NRXN1: variants seen among roughly 807,000 people sequenced by gnomAD.
NRXN1 encodes the protein neurexin 1, also known as neurexin-1.
Under a neutral mutation model 150.9 loss-of-function variants are expected in NRXN1, and 39 were observed. The ratio of observed to expected loss-of-function variants is 0.26; its 90% confidence interval spans 0.20 to 0.34. NRXN1 has a LOEUF of 0.34. Among genes scored for constraint, NRXN1 ranks in the 10% least tolerant of loss-of-function variants. NRXN1 has a pLI of 1.00. For missense variants in NRXN1, 1,815 were observed against 1,949.9 expected (o/e 0.93, Z 1.30); for synonymous variants, 924 against 757.0 (o/e 1.22, Z -3.62).
chr2:50,596,410 G>A (rs952867929), intron 8 of NRXN1, among the ~76,000 whole-genome samples: 1 of 152,084 alleles, frequency 6.6e-6, no homozygotes, highest in Admixed American at 6.6e-5. Context: ...GTTCTTTGTT[G>A]ATGTACACCA....
intron 18 of NRXN1, among the ~76,000 whole-genome samples, chr2:50,150,495 G>A (rs946776752): frequency 1.3e-5 from 2 of 151,718 alleles, no homozygotes; most frequent in African/African-American, 4.8e-5. Flanking sequence ...TAGTTTCAGT[G>A]TTCTCCTAAA....
intron 8 of NRXN1, among the ~76,000 whole-genome samples, chr2:50,596,003 A>C (rs1675140066): frequency 6.6e-6 from 1 of 152,284 alleles, no homozygotes; most frequent in African/African-American, 2.4e-5. Flanking sequence ...AAGAACACTA[A>C]CTTTGCATAA....
At chr2:50,277,438 TCC>T (rs1464204061) in intron 17 of NRXN1, among the ~76,000 whole-genome samples, 8 of 127,308 alleles carry the variant, frequency 6.3e-5, no homozygotes, top group African/African-American at 8.5e-5. Flanking sequence ...CCTCCCTTCC[TCC>T]TTCCCTCTCT....
intron 17 of NRXN1, among the ~76,000 whole-genome samples, chr2:50,421,297 G>A (rs1420813563): frequency 1.3e-5 from 2 of 150,622 alleles, no homozygotes; most frequent in African/African-American, 2.5e-5. Context: ...GTATGCATCG[G>A]TAAGGATATA....
chr2:49,932,353 T>C (rs1398299704), intron 22 of NRXN1, among the ~76,000 whole-genome samples: 1 of 152,102 alleles, frequency 6.6e-6, no homozygotes, highest in Non-Finnish European at 1.5e-5. Flanking sequence ...CCCAGCAGTT[T>C]GGGGGTGCAG....
chr2:50,376,022 C>G (rs959014282), intron 17 of NRXN1, among the ~76,000 whole-genome samples: 2 of 144,894 alleles, frequency 1.4e-5, no homozygotes, highest in African/African-American at 5.2e-5. Context: ...ATTTAGAACT[C>G]CTGCACATAA....
At chr2:50,238,727 T>G (rs2065707935) in intron 17 of NRXN1, among the ~76,000 whole-genome samples, 2 of 152,018 alleles carry the variant, frequency 1.3e-5, no homozygotes, top group African/African-American at 4.8e-5. Context: ...TCTTCTTTGT[T>G]TTCTGTTACA....
chr2:50,109,783 T>C (rs990401611), intron 18 of NRXN1, among the ~76,000 whole-genome samples: 2 of 152,176 alleles, frequency 1.3e-5, no homozygotes, highest in Non-Finnish European at 1.5e-5. Flanking sequence ...ATTTAGATAG[T>C]ATAAATGTAT....
chr2:50,551,050 G>GGAAGAA (rs1204760729), intron 9 of NRXN1, among the ~76,000 whole-genome samples: 63 of 79,008 alleles, frequency 8.0e-4, no homozygotes, highest in South Asian at 6.5e-3. Context: ...AAGAGGAAGA[G>GGAAGAA]GAAGAAGAAG....
intron 5 of NRXN1, among the ~76,000 whole-genome samples, chr2:50,666,862 T>A (rs1429095674): frequency 1.1e-5 from 1 of 91,768 alleles, no homozygotes; most frequent in Non-Finnish European, 2.3e-5. Flanking sequence ...ATGATGATGA[T>A]GATGATGATG....
intron 18 of NRXN1, among the ~76,000 whole-genome samples, chr2:50,184,322 T>A (rs2152814814): frequency 1.3e-5 from 2 of 152,100 alleles, no homozygotes; most frequent in East Asian, 3.9e-4. Flanking sequence ...AGGGCCGAAA[T>A]AAGGACCAGG....
intron 17 of NRXN1, among the ~76,000 whole-genome samples, chr2:50,319,934 A>T (rs1204688271): frequency 6.6e-6 from 1 of 151,994 alleles, no homozygotes; most frequent in African/African-American, 2.4e-5. Flanking sequence ...TAGAAATAGG[A>T]CATGCTCACT....
intron 19 of NRXN1, among the ~76,000 whole-genome samples, chr2:50,059,166 G>C (rs1395843842): frequency 1.3e-5 from 2 of 152,110 alleles, no homozygotes; most frequent in Non-Finnish European, 2.9e-5. Context: ...AAAAAGTCTA[G>C]GCTGAGGTGG....
At chr2:50,270,849 G>T (rs2069516164) in intron 17 of NRXN1, among the ~76,000 whole-genome samples, 1 of 151,978 alleles carries the variant, frequency 6.6e-6, no homozygotes, top group African/African-American at 2.4e-5. Flanking sequence ...AGTAGAGACG[G>T]GTTTTCACCA....
At chr2:50,986,095 GTTAAC>G (rs966690520) in intron 2 of NRXN1, among the ~76,000 whole-genome samples, 51 of 151,644 alleles carry the variant, frequency 3.4e-4, no homozygotes, top group Non-Finnish European at 6.1e-4. Context: ...TATAATTAAA[GTTAAC>G]TTAACATACA....
At chr2:50,759,707 A>C (rs1701570455) in intron 5 of NRXN1, among the ~76,000 whole-genome samples, 1 of 151,822 alleles carries the variant, frequency 6.6e-6, no homozygotes, top group Admixed American at 6.6e-5. Flanking sequence ...ATGAGGGTAA[A>C]TATGCTTATG....
At chr2:50,005,761 C>A (rs892730907) in intron 21 of NRXN1, among the ~76,000 whole-genome samples, 1 of 152,130 alleles carries the variant, frequency 6.6e-6, no homozygotes, top group East Asian at 1.9e-4. Context: ...ACCTTCTGCA[C>A]CAAATTCTAC....
chr2:50,064,086 T>G (rs1694977832), intron 19 of NRXN1, among the ~76,000 whole-genome samples: 1 of 152,130 alleles, frequency 6.6e-6, no homozygotes, highest in Admixed American at 6.6e-5. Flanking sequence ...AAATTTTGCT[T>G]GGACGTCAGA....
chr2:50,965,420 A>T (rs1268888200), intron 2 of NRXN1, among the ~76,000 whole-genome samples: 1 of 151,384 alleles, frequency 6.6e-6, no homozygotes, highest in East Asian at 1.9e-4. Context: ...ATGGAGGAAA[A>T]AAAAATTAGG....
Sources: allele counts gnomAD v4.1 joint callset (sites outside exome capture counted in the v4.1 genomes callset), GRCh38; gene constraint gnomAD v4.1.1; transcripts MANE v1.5; gene names NCBI Gene and HGNC (gene_info 2026-07-23, HGNC 2026-07-21).